The following PCDH15 variants were observed in gnomAD, a reference collection of about 807,000 sequenced individuals.
PCDH15 encodes protocadherin-15.
In PCDH15, 129 loss-of-function variants were observed where a neutral mutation model predicts 178.5. The observed-to-expected ratio is 0.72, with a 90% CI of 0.63 to 0.84. The LOEUF is 0.84. Ranked by LOEUF, PCDH15 falls within the 40% of genes least tolerant of loss-of-function variation. The pLI is 0.00. For missense variants in PCDH15, 2,230 were observed against 2,099.9 expected, an observed-to-expected ratio of 1.06 and a Z score of -1.21; for synonymous variants, 800 against 732.0, an observed-to-expected ratio of 1.09 and a Z score of -1.50.
At chr10:55,465,138 A>C (rs917166014) in intron 2 of PCDH15, among the ~76,000 whole-genome samples, 5 of 152,154 alleles carry the variant, frequency 3.3e-5, no homozygotes, top group Admixed American at 2.6e-4. Context: ...ACACACACAG[A>C]GACTGATTTT....
intron 1 of PCDH15, among the ~76,000 whole-genome samples, chr10:55,301,314 C>T (rs998859660): frequency 4.6e-5 from 7 of 152,068 alleles, no homozygotes; most frequent in African/African-American, 1.2e-4. Context: ...AGGTGTGAAG[C>T]GATGCCTCCT....
intron 15 of PCDH15, among the ~76,000 whole-genome samples, chr10:54,112,844 T>G (rs186560419): frequency 2.0e-5 from 3 of 152,234 alleles, no homozygotes; most frequent in Admixed American, 1.3e-4. Flanking sequence ...GGGGTAACAG[T>G]TCATTACAGT....
chr10:53,890,004 A>G (rs1296898263), intron 26 of PCDH15, among the ~76,000 whole-genome samples: 2 of 152,310 alleles, frequency 1.3e-5, no homozygotes, highest in Non-Finnish European at 2.9e-5. Flanking sequence ...CTGTTTCTTG[A>G]CCTGGGCACT....
At chr10:54,400,335 G>A (rs1951775461) in intron 3 of PCDH15, among the ~76,000 whole-genome samples, 2 of 152,048 alleles carry the variant, frequency 1.3e-5, no homozygotes, top group Non-Finnish European at 2.9e-5. Context: ...TCAAAATCAT[G>A]AAGGTGGATA....
intron 3 of PCDH15, among the ~76,000 whole-genome samples, chr10:54,495,095 A>C (rs180832731): frequency 5.3e-5 from 8 of 152,264 alleles, no homozygotes; most frequent in South Asian, 2.1e-4. Flanking sequence ...GATTGAAACT[A>C]CTGTCCTTGC....
At chr10:54,838,840 C>T (rs1953367439) in intron 3 of PCDH15, among the ~76,000 whole-genome samples, 1 of 152,160 alleles carries the variant, frequency 6.6e-6, no homozygotes, top group Non-Finnish European at 1.5e-5. Flanking sequence ...GCAGTTCTGC[C>T]TGGCCAGAAA....
Position 53,888,664 on chromosome 10 carries a change from G to GATATAT in PCDH15, c.3501+14573_3501+14578dup, listed in dbSNP as rs59914675. 7.1e-3 allele frequency among the ~76,000 whole-genome samples: 121 copies of GATATAT among 16,988 alleles called. 3 individuals are homozygous for GATATAT. The highest frequency in any genetic ancestry group is 9.2e-3 in the African/African-American group (92 of 10,054). The allele number at this position is 16,988 out of a possible 152,430, so 11.1% of individuals were successfully genotyped here. ...TTTCAATTCCCTAGCAGTTAAGTTT[G>GATATAT]ATATATATATATATATATATATATA... On this transcript the variant is annotated intron_variant, in intron 26 of 37. Transcript: ENST00000644397.
chr10:54,721,909 A>G (rs889495077), intron 1 of PCDH15, among the ~76,000 whole-genome samples: 24 of 151,896 alleles, frequency 1.6e-4, no homozygotes, highest in Admixed American at 1.5e-3. Flanking sequence ...GAGCGAGGCG[A>G]CAATGTAAAA....
intron 3 of PCDH15, among the ~76,000 whole-genome samples, chr10:54,469,565 G>T (rs2077752298): frequency 6.6e-6 from 1 of 151,380 alleles, no homozygotes; most frequent in African/African-American, 2.5e-5. Context: ...CCATCAGGTG[G>T]GCCAGTCTTT....
chr10:53,805,782 C>CACTT lies in PCDH15; in HGVS notation c.*793_*796dup, dbSNP rs1841110887. 1 of 152,100 alleles carries CACTT rather than the reference C, an allele frequency of 6.6e-6. No homozygotes were observed. The highest frequency in any genetic ancestry group is 2.1e-4 in the South Asian group (1 of 4,834). 9.4% of individuals were successfully genotyped at this position (152,100 alleles called of 1,614,324 possible). On this transcript the variant is annotated 3_prime_UTR_variant, in exon 38 of 38. Coordinates refer to ENST00000644397, the MANE Select transcript of PCDH15 (RefSeq NM_001384140.1). ...CATTACTGCTTACTCGAACCTTTCTCACTTCCCTAAAAGCTTTTGCTAAGG... is the reference window on the plus strand; with the variant it reads ...CATTACTGCTTACTCGAACCTTTCTCACTTACTTCCCTAAAAGCTTTTGCTAAGG...
chr10:55,354,534 T>C (rs1474843364), intron 2 of PCDH15, among the ~76,000 whole-genome samples: 1 of 152,060 alleles, frequency 6.6e-6, no homozygotes, highest in Non-Finnish European at 1.5e-5. Context: ...ACCAGGTAGA[T>C]TTCAATAAGA....
At chr10:54,909,170 G>T (rs1047981828) in intron 2 of PCDH15, among the ~76,000 whole-genome samples, 1 of 152,170 alleles carries the variant, frequency 6.6e-6, no homozygotes, top group Non-Finnish European at 1.5e-5. Context: ...GCCCAGAAAA[G>T]GCACCACGAG....
chr10:54,427,762 A>T (rs1956470166), intron 3 of PCDH15, among the ~76,000 whole-genome samples: 1 of 152,166 alleles, frequency 6.6e-6, no homozygotes, highest in African/African-American at 2.4e-5. Context: ...CAACTGTGTA[A>T]AGGTACACAT....
In PCDH15 at chr10:55,472,661, C is replaced by T. The variant is rs573248086; in HGVS notation, c.-156+154964G>A. 7.9e-4 allele frequency among the ~76,000 whole-genome samples: 121 copies of T among 152,230 alleles called. 1 individual carries two copies. Among genetic ancestry groups the T allele is most frequent in the African/African-American group, 2.5e-3 (104 of 41,564 alleles). On this transcript the variant is annotated intron_variant, in intron 2 of 5. Coordinates refer to the PCDH15 transcript ENST00000613346. ...TGCGCTAACTGCAAGCTCCACCTAC[C>T]GGGTTCACGCCATTCTCCTGCCTCA...
intron 8 of PCDH15, among the ~76,000 whole-genome samples, chr10:54,285,916 CATA>C (rs753001227): frequency 6.6e-6 from 1 of 152,182 alleles, no homozygotes. Context: ...TTCAAGGCAA[CATA>C]AAAGAACCTG....
intron 21 of PCDH15, chr10:53,994,854 A>T (rs927687445): frequency 2.6e-5 from 4 of 152,132 alleles, no homozygotes; most frequent in African/African-American, 9.7e-5. Context: ...AATACTATTT[A>T]TATTAGCAAT....
chr10:54,277,371 G>T (rs546198282), intron 8 of PCDH15, among the ~76,000 whole-genome samples: 1 of 151,592 alleles, frequency 6.6e-6, no homozygotes, highest in African/African-American at 2.4e-5. Context: ...TACATCTTCC[G>T]CAGTGACAGG....
chr10:54,279,323 C>A (rs1215662563), intron 8 of PCDH15, among the ~76,000 whole-genome samples: 1 of 151,506 alleles, frequency 6.6e-6, no homozygotes, highest in African/African-American at 2.4e-5. Flanking sequence ...TATTGATATT[C>A]ACCGAACACC....
intron 6 of PCDH15, among the ~76,000 whole-genome samples, chr10:54,344,327 A>T (rs929999845): frequency 2.0e-5 from 3 of 152,182 alleles, no homozygotes; most frequent in African/African-American, 7.2e-5. Context: ...GTAGGGAGTA[A>T]GAGTTACATA....
Sources: gnomAD v4.1 joint callset for allele counts (sites outside exome capture counted in the v4.1 genomes callset) on GRCh38, gnomAD v4.1.1 for gene constraint, MANE v1.5 for transcripts, NCBI Gene and HGNC (gene_info 2026-07-23, HGNC 2026-07-21) for gene names.